ADAMTS9: variants seen among roughly 807,000 people sequenced by gnomAD.
The protein encoded by ADAMTS9 is ADAM metallopeptidase with thrombospondin type 1 motif 9.
In ADAMTS9, 107 loss-of-function variants were observed where a neutral mutation model predicts 257.1. The observed-to-expected ratio is 0.42, with a 90% CI of 0.36 to 0.49. The LOEUF (loss-of-function observed/expected upper bound fraction) is 0.49. Among genes scored for constraint, ADAMTS9 ranks in the 20% least tolerant of loss-of-function variants. The probability of loss-of-function intolerance (pLI) is 0.03; values close to 1 mark genes in which losing one functional copy is unlikely to be tolerated. For synonymous variants in ADAMTS9, 982 were observed against 880.9 expected, an observed-to-expected ratio of 1.11 and a Z score of -2.03; for missense variants, 2,353 against 2,469.1, an observed-to-expected ratio of 0.95 and a Z score of 1.00.
At chr3:64,681,061 T>C (rs1701742149) in intron 3 of ADAMTS9, 140 bp downstream of exon 3, 1 of 952,048 alleles carries the variant, frequency 1.1e-6, no homozygotes, top group Non-Finnish European at 1.5e-6. Context: ...GGGGTATGTA[T>C]CCCTACATCA....
chr3:64,629,248 A>C (rs1395709567), intron 16 of ADAMTS9, among the ~76,000 whole-genome samples: 1 of 152,108 alleles, frequency 6.6e-6, no homozygotes, highest in Non-Finnish European at 1.5e-5. Context: ...TTCCCCCACC[A>C]TCTCTTCTCA....
At chr3:64,591,205 C>A (rs922882612) in intron 28 of ADAMTS9, among the ~76,000 whole-genome samples, 2 of 152,094 alleles carry the variant, frequency 1.3e-5, no homozygotes, top group African/African-American at 4.8e-5. Flanking sequence ...CTTTGTGAGG[C>A]CAAGGCAGCG....
rs1460976911 is a variant in ADAMTS9, at chr3:64,686,796, GGAGGAGGTA to G, written c.279_287del (p.Thr94_Ser96del). ...AGGCAGAGAGGCGGTAATGCGCCTG[GGAGGAGGTA>G]GAGGAGGAAGAGGAGGAGGCGAAGG... On this transcript the variant is annotated inframe_deletion, in exon 2 of 40. Transcript: ENST00000498707. The surrounding 1 kb of genome is among the most constrained non-coding windows in gnomAD (Gnocchi z 4.6). The G allele has an allele frequency of 1.5e-5, 24 of 1,614,028 alleles. No individual in the cohort carries two copies. Among genetic ancestry groups the G allele is most frequent in the Non-Finnish European group, 1.9e-5 (22 of 1,180,026 alleles).
chr3:64,610,599 T>C (rs1356511866), intron 22 of ADAMTS9, among the ~76,000 whole-genome samples: 5 of 152,160 alleles, frequency 3.3e-5, no homozygotes, highest in Non-Finnish European at 7.4e-5. Flanking sequence ...AGATGATCAG[T>C]ATCTTTTGTT....
chr3:64,574,400 T>C (rs1168805557), intron 28 of ADAMTS9, among the ~76,000 whole-genome samples: 1 of 151,788 alleles, frequency 6.6e-6, no homozygotes, highest in Non-Finnish European at 1.5e-5. Flanking sequence ...CCCAGGGTCA[T>C]AGCACCAGGA....
At chr3:64,684,705 T>C (rs1263671143) in intron 2 of ADAMTS9, among the ~76,000 whole-genome samples, 3 of 152,172 alleles carry the variant, frequency 2.0e-5, no homozygotes, top group African/African-American at 4.8e-5. Context: ...TAGTCGTTTC[T>C]GAAGCCCTAG....
At chr3:64,657,607 GGATTACAGGCAT>G (rs1701110356) in intron 4 of ADAMTS9, among the ~76,000 whole-genome samples, 1 of 151,676 alleles carries the variant, frequency 6.6e-6, no homozygotes, top group East Asian at 1.9e-4. Context: ...TAAAGTGTTG[GGATTACAGGCAT>G]GAGTGACTGC....
At position 64,661,595 on chromosome 3, in the gene ADAMTS9, G is replaced by A. The variant is rs186335141; in HGVS notation, c.680-2804C>T. ...TCAATTCCCGAAATTGTGCTCTTTC[G>A]ATTAGGTGAGCTTTCTCAACAGCTA... On this transcript the variant is annotated intron_variant, in intron 3 of 39. Coordinates refer to ENST00000498707, the MANE Select transcript of ADAMTS9 (RefSeq NM_182920.2). Among the ~76,000 whole-genome samples, 18 of 152,280 alleles carry A rather than the reference G, an allele frequency of 1.2e-4. No homozygotes were observed. In the South Asian group the frequency reaches 2.3e-3, roughly 19 times the overall value.
chr3:64,580,492 G>C (rs1037199065), intron 28 of ADAMTS9, among the ~76,000 whole-genome samples: 1 of 152,070 alleles, frequency 6.6e-6, no homozygotes, highest in Non-Finnish European at 1.5e-5. Context: ...TGAGGATCAG[G>C]CCGTGTCCAG....
intron 12 of ADAMTS9, among the ~76,000 whole-genome samples, chr3:64,636,073 GT>G (rs1429151306): frequency 8.5e-6 from 1 of 117,856 alleles, no homozygotes; most frequent in Non-Finnish European, 1.7e-5. Context: ...TGAACATAAA[GT>G]TTTTTAAATT....
chr3:64,673,094 A>G (rs1701532491), intron 3 of ADAMTS9, among the ~76,000 whole-genome samples: 1 of 133,786 alleles, frequency 7.5e-6, no homozygotes, highest in African/African-American at 2.9e-5. Flanking sequence ...GTGGTAGGCT[A>G]TCCCATCTAG....
intron 26 of ADAMTS9, among the ~76,000 whole-genome samples, chr3:64,601,463 G>A (rs547171491): frequency 2.6e-5 from 4 of 152,248 alleles, no homozygotes; most frequent in Non-Finnish European, 4.4e-5. Flanking sequence ...ATCTTACCTA[G>A]TCTAGTATTT....
intron 3 of ADAMTS9, among the ~76,000 whole-genome samples, chr3:64,679,939 A>G (rs1184978538): frequency 2.0e-5 from 3 of 152,202 alleles, no homozygotes; most frequent in African/African-American, 7.2e-5. Flanking sequence ...TCTACTCCTC[A>G]TATCCCTTGG....
chr3:64,550,881 C>A lies in ADAMTS9; in HGVS notation c.4869+11G>T. 2.5e-6 allele frequency: 4 copies of A among 1,613,998 alleles called. No individual in the cohort carries two copies. The highest frequency in any genetic ancestry group is 1.7e-6 in the Non-Finnish European group (2 of 1,179,938). On this transcript the variant is annotated intron_variant, in intron 31 of 39. Transcript: ENST00000498707. ...CTGAGCTGACGATGGTTACAGTTCC[C>A]AGGACGGTACCTCTGACCATTCTCC...
chr3:64,602,044 T>C lies in ADAMTS9; in HGVS notation c.3917A>G (p.Gln1306Arg). 6.2e-7 allele frequency: 1 copy of C among 1,613,378 alleles called. No individual in the cohort carries two copies. The highest frequency in any genetic ancestry group is 1.1e-5 in the South Asian group (1 of 91,056). ...ATAGTCCTCATTTTGGAAGGGGTGC[T>C]GAGCTAAGCCACTGTCTGGGGTCCT... ...PQRTPDSGLA[Q>R]HPFQNEDYRP... Residue 1306 changes from glutamine to arginine, a missense_variant, in exon 26 of 40, where the codon CAG becomes CGG. By Grantham distance (43) the Gln-to-Arg change is conservative. Around this residue, in one of 3 missense-constraint regions of ADAMTS9, gnomAD observed 1,402 missense variants for 1,441.4 expected, o/e 0.97. Coordinates refer to ENST00000498707, the MANE Select transcript of ADAMTS9 (RefSeq NM_182920.2).
intron 30 of ADAMTS9, among the ~76,000 whole-genome samples, chr3:64,558,819 C>T (rs1213483765): frequency 6.6e-6 from 1 of 152,094 alleles, no homozygotes; most frequent in African/African-American, 2.4e-5. Flanking sequence ...GAAGGGGTAT[C>T]CTATAATGGG....
chr3:64,636,368 C>A (rs1283764477), intron 12 of ADAMTS9, among the ~76,000 whole-genome samples: 1 of 152,040 alleles, frequency 6.6e-6, no homozygotes, highest in Non-Finnish European at 1.5e-5. Context: ...GGTTTGAATC[C>A]CAGCTATGCC....
In ADAMTS9 at chr3:64,603,618, T is replaced by C. The variant is rs190315710; in HGVS notation, c.3747+304A>G. 8.5e-5 allele frequency among the ~76,000 whole-genome samples: 13 copies of C among 152,256 alleles called. No homozygotes were observed. The East Asian group carries it at 2.3e-3, about 27-fold the overall frequency. On this transcript the variant is annotated intron_variant, in intron 25 of 39. Coordinates refer to ENST00000498707, the MANE Select transcript of ADAMTS9 (RefSeq NM_182920.2). The stretch of plus-strand genomic sequence containing the variant: ...CATTTTTGGTCCTCTACAAACCTAC[T>C]GCATACTAATATGACTCAGTGAAGA...
intron 30 of ADAMTS9, among the ~76,000 whole-genome samples, chr3:64,559,046 G>C (rs1403620283): frequency 6.6e-6 from 1 of 152,314 alleles, no homozygotes; most frequent in East Asian, 1.9e-4. Flanking sequence ...GAAGGGTTCT[G>C]TCTTATCAAG....
Sources: allele counts gnomAD v4.1 joint callset (sites outside exome capture counted in the v4.1 genomes callset), GRCh38; gene constraint gnomAD v4.1.1; regional missense constraint gnomAD v4.1.1; non-coding constraint Gnocchi (gnomAD v3.1); transcripts MANE v1.5; gene names NCBI Gene and HGNC (gene_info 2026-07-23, HGNC 2026-07-21).